Variants in CELF4 observed in about 807,000 individuals in gnomAD.
CELF4 encodes CUGBP Elav-like family member 4.
In CELF4, 18 loss-of-function variants were observed where a neutral mutation model predicts 59.9. That is an observed-to-expected ratio of 0.30 (90% CI 0.21 to 0.45). CELF4 has a LOEUF of 0.45. CELF4 is among the 20% of genes least tolerant of loss of function. CELF4 has a pLI of 1.00. For synonymous variants in CELF4, 261 were observed against 267.1 expected, an observed-to-expected ratio of 0.98 and a Z score of 0.22; for missense variants, 456 against 689.0, an observed-to-expected ratio of 0.66 and a Z score of 3.79.
intron 2 of CELF4, among the ~76,000 whole-genome samples, chr18:37,399,289 C>T (rs1003023399): frequency 2.0e-5 from 3 of 152,140 alleles, no homozygotes; most frequent in Non-Finnish European, 2.9e-5. Flanking sequence ...AGAATGTTCC[C>T]GTGAGAGTGG....
intron 11 of CELF4, among the ~76,000 whole-genome samples, chr18:37,255,166 C>T (rs1284180017): frequency 1.3e-5 from 2 of 152,056 alleles, no homozygotes; most frequent in Non-Finnish European, 2.9e-5. Flanking sequence ...GTGCCCGTTG[C>T]GTAATGGTCC....
intron 2 of CELF4, among the ~76,000 whole-genome samples, chr18:37,435,983 C>T (rs151317773): frequency 7.2e-5 from 11 of 152,254 alleles, no homozygotes; most frequent in South Asian, 4.1e-4. Context: ...CCAGGACCCC[C>T]GCTGCAGGGC....
At chr18:37,371,433 C>G (rs190065761) in intron 2 of CELF4, among the ~76,000 whole-genome samples, 1 of 152,186 alleles carries the variant, frequency 6.6e-6, no homozygotes. Flanking sequence ...CAAGGACTCT[C>G]GAGGAGAAAT....
intron 1 of CELF4, among the ~76,000 whole-genome samples, chr18:37,486,878 G>A (rs1054555951): frequency 2.0e-5 from 3 of 152,094 alleles, no homozygotes; most frequent in African/African-American, 4.8e-5. Context: ...TCACTTCTCC[G>A]AAACCCATTG....
chr18:37,355,393 C>T (rs1603626623), intron 2 of CELF4, among the ~76,000 whole-genome samples: 1 of 152,124 alleles, frequency 6.6e-6, no homozygotes. Flanking sequence ...ACAGACCTGG[C>T]CTGGTGCAGT....
At chr18:37,508,712 G>T (rs1234292037) in intron 1 of CELF4, among the ~76,000 whole-genome samples, 2 of 152,250 alleles carry the variant, frequency 1.3e-5, no homozygotes, top group Non-Finnish European at 2.9e-5. Flanking sequence ...TGGACTGGGG[G>T]CCTGAAGCCC....
At chr18:37,438,510 C>T (rs994620999) in intron 2 of CELF4, among the ~76,000 whole-genome samples, 1 of 152,118 alleles carries the variant, frequency 6.6e-6, no homozygotes, top group Non-Finnish European at 1.5e-5. Context: ...GGCACCCTAC[C>T]TCTCAATGTC....
chr18:37,332,264 C>T (rs965698938), intron 2 of CELF4, among the ~76,000 whole-genome samples: 3 of 152,122 alleles, frequency 2.0e-5, no homozygotes, highest in Non-Finnish European at 2.9e-5. Context: ...CCTTGTCCAC[C>T]GTCCACTTGC....
intron 9 of CELF4, among the ~76,000 whole-genome samples, chr18:37,265,099 A>G (rs1787632): frequency 0.073 from 11,096 of 151,246 alleles, 1,347 homozygotes; most frequent in African/African-American, 0.25. Context: ...ACATGCATAC[A>G]TGCAAGTGTG....
intron 2 of CELF4, among the ~76,000 whole-genome samples, chr18:37,384,320 G>T (rs556990452): frequency 6.6e-6 from 1 of 152,192 alleles, no homozygotes; most frequent in Non-Finnish European, 1.5e-5. Context: ...GTCGGGTTGT[G>T]CTAATTTGCA....
intron 2 of CELF4, among the ~76,000 whole-genome samples, chr18:37,390,058 C>T (rs1351670369): frequency 6.6e-6 from 1 of 152,230 alleles, no homozygotes; most frequent in African/African-American, 2.4e-5. Flanking sequence ...GGCACAGCAG[C>T]TCTCTGCCAG....
chr18:37,551,258 G>A (rs1225016366), intron 1 of CELF4, among the ~76,000 whole-genome samples: 2 of 152,230 alleles, frequency 1.3e-5, no homozygotes, highest in East Asian at 3.9e-4. Flanking sequence ...TCTGTGGAAG[G>A]TCCATAAGAG....
rs148454974 is a variant in CELF4 at position 37,431,062 on chromosome 18, G to A, written c.369+54463C>T. Reference sequence around the variant, plus strand: ...AAGTATAGGGAGGAAAGGACTCTAGGTGCTGCTGTGGTTGGGTGTTGTGGG... The same window carrying A: ...AAGTATAGGGAGGAAAGGACTCTAGATGCTGCTGTGGTTGGGTGTTGTGGG... On this transcript the variant is annotated intron_variant, in intron 2 of 12. Coordinates refer to ENST00000420428, the MANE Select transcript of CELF4 (RefSeq NM_020180.4). Among the ~76,000 whole-genome samples the A allele has an allele frequency of 6.4e-3, 980 of 152,276 alleles. 29 individuals carry two copies. The highest frequency in any genetic ancestry group is 0.052 in the Admixed American group (798 of 15,298).
intron 1 of CELF4, among the ~76,000 whole-genome samples, chr18:37,563,179 TGA>T (rs1324234736): frequency 6.6e-6 from 1 of 151,932 alleles, no homozygotes; most frequent in Non-Finnish European, 1.5e-5. Flanking sequence ...TGCTATTATA[TGA>T]GAGAGTCCAA....
intron 2 of CELF4, among the ~76,000 whole-genome samples, chr18:37,361,619 C>G (rs2098704095): frequency 6.6e-6 from 1 of 152,182 alleles, no homozygotes; most frequent in Non-Finnish European, 1.5e-5. Context: ...TGGAGCAGTG[C>G]CTGGGCCCCA....
intron 1 of CELF4, among the ~76,000 whole-genome samples, chr18:37,523,122 C>T (rs970637229): frequency 7.2e-5 from 11 of 152,172 alleles, no homozygotes; most frequent in Admixed American, 1.3e-4. Flanking sequence ...TACCACCTGG[C>T]TGGGCACCCG....
Position 37,274,854 on chromosome 18 carries a change from G to T in CELF4, c.608C>A (p.Ala203Asp), listed in dbSNP as rs1182232096. The part of the protein sequence containing the change: ...GCAFVKYSSH[A>D]EAQAAINALH... ...CGCGTTGATGGCGGCCTGCGCCTCG[G>T]CGTGGGAGGAGTACTTCACAAAGGC... Residue 203 changes from alanine (A) to aspartate (D), a missense_variant, in exon 5 of 13, where the codon GCC (alanine) becomes GAC (aspartate). Around this residue, in one of 7 missense-constraint regions of CELF4, gnomAD observed 56 missense variants for 92.0 expected, o/e 0.61. Transcript: ENST00000420428. The T allele has an allele frequency of 4.4e-6, 7 of 1,608,220 alleles. No homozygotes were observed. Among genetic ancestry groups the T allele is most frequent in the Non-Finnish European group, 5.9e-6 (7 of 1,178,244 alleles).
intron 2 of CELF4, among the ~76,000 whole-genome samples, chr18:37,472,438 A>G (rs1016372113): frequency 6.6e-6 from 1 of 152,262 alleles, no homozygotes; most frequent in Non-Finnish European, 1.5e-5. Context: ...AGGTAGGAAG[A>G]TTCACTCCTT....
At chr18:37,553,408 C>T (rs1603644040) in intron 1 of CELF4, among the ~76,000 whole-genome samples, 1 of 152,120 alleles carries the variant, frequency 6.6e-6, no homozygotes, top group Non-Finnish European at 1.5e-5. Context: ...GTGTGTGCGT[C>T]TTGTGGGGGC....
Sources: allele counts gnomAD v4.1 joint callset (sites outside exome capture counted in the v4.1 genomes callset), GRCh38; gene constraint gnomAD v4.1.1; regional missense constraint gnomAD v4.1.1; transcripts MANE v1.5; gene names NCBI Gene and HGNC (gene_info 2026-07-23, HGNC 2026-07-21).